Variants in IQGAP2 observed in about 807,000 individuals in gnomAD.
IQGAP2 encodes the protein ras GTPase-activating-like protein IQGAP2.
IQGAP2 carries 173 observed loss-of-function variants against 201.3 expected under a neutral mutation model. The observed-to-expected ratio is 0.86, with a 90% CI of 0.76 to 0.98. The LOEUF is 0.98. Ranked by LOEUF, IQGAP2 falls within the 50% of genes least tolerant of loss-of-function variation. The probability of loss-of-function intolerance (pLI) is 0.00; values close to 1 mark genes in which losing one functional copy is unlikely to be tolerated. For synonymous variants in IQGAP2, 675 were observed against 673.9 expected (o/e 1.00, Z -0.03); for missense variants, 1,687 against 1,864.8 (o/e 0.90, Z 1.76).
At chr5:76,550,740 C>T (rs1255959183) in intron 2 of IQGAP2, among the ~76,000 whole-genome samples, 1 of 152,334 alleles carries the variant, frequency 6.6e-6, no homozygotes, top group South Asian at 2.1e-4. Flanking sequence ...TGGAGTCTCC[C>T]ATGTCTACTT....
chr5:76,660,459 T>C (rs914407388), intron 21 of IQGAP2: 11 of 152,254 alleles, frequency 7.2e-5, no homozygotes, highest in African/African-American at 2.7e-4. Flanking sequence ...TTTCAGAGAA[T>C]GCTTTTTATA....
At chr5:76,602,123 T>A (rs995780800) in intron 11 of IQGAP2, among the ~76,000 whole-genome samples, 1 of 152,226 alleles carries the variant, frequency 6.6e-6, no homozygotes, top group Non-Finnish European at 1.5e-5. Flanking sequence ...CTTATACCTC[T>A]GCAAGATGTT....
chr5:76,430,427 G>A (rs1752301314), intron 1 of IQGAP2, among the ~76,000 whole-genome samples: 1 of 152,200 alleles, frequency 6.6e-6, no homozygotes, highest in South Asian at 2.1e-4. Flanking sequence ...TCTGCGAGTT[G>A]ACCCTTCATG....
intron 12 of IQGAP2, chr5:76,606,708 G>A (rs1393098): frequency 0.17 from 25,367 of 152,556 alleles, 2,270 homozygotes; most frequent in Admixed American, 0.28. Flanking sequence ...ATTGGAACAC[G>A]ATCTAACTGT....
chr5:76,478,985 C>G (rs1755610859), intron 2 of IQGAP2, among the ~76,000 whole-genome samples: 1 of 152,046 alleles, frequency 6.6e-6, no homozygotes, highest in African/African-American at 2.4e-5. Flanking sequence ...AGGCCTTTCC[C>G]TGCTCACAAC....
At chr5:76,561,360 A>G (rs914189446) in intron 2 of IQGAP2, among the ~76,000 whole-genome samples, 6 of 152,186 alleles carry the variant, frequency 3.9e-5, no homozygotes, top group Admixed American at 3.9e-4. Context: ...GACATATTAC[A>G]GTGTTGGCAA....
At chr5:76,659,532 T>C (rs983675851) in intron 21 of IQGAP2, among the ~76,000 whole-genome samples, 4 of 152,118 alleles carry the variant, frequency 2.6e-5, no homozygotes, top group Non-Finnish European at 5.9e-5. Context: ...TACATAGCAG[T>C]TGCAATTCTA....
intron 1 of IQGAP2, among the ~76,000 whole-genome samples, chr5:76,443,434 A>G (rs1302386024): frequency 1.3e-5 from 2 of 152,024 alleles, no homozygotes; most frequent in Non-Finnish European, 2.9e-5. Context: ...CAGCCTGGCC[A>G]ACATAGTGAG....
At chr5:76,658,103 G>C (rs79554154) in intron 20 of IQGAP2, among the ~76,000 whole-genome samples, 3 of 152,212 alleles carry the variant, frequency 2.0e-5, no homozygotes, top group Middle Eastern at 3.4e-3. Flanking sequence ...TCTCAGGGTC[G>C]AGGTAACTTA....
chr5:76,443,094 C>T (rs1047462353), intron 1 of IQGAP2, among the ~76,000 whole-genome samples: 10 of 152,180 alleles, frequency 6.6e-5, no homozygotes, highest in East Asian at 3.8e-4. Flanking sequence ...AGCTTAAATA[C>T]ACCATGTTGT....
At chr5:76,585,617 C>T (rs1280713499) in intron 5 of IQGAP2, among the ~76,000 whole-genome samples, 28 of 151,848 alleles carry the variant, frequency 1.8e-4, no homozygotes, top group Admixed American at 1.4e-3. Context: ...TGGGTTCAAG[C>T]GATTCTCCTG....
chr5:76,617,752 T>G, intron 13 of IQGAP2: 1 of 1,613,864 alleles, frequency 6.2e-7, no homozygotes, highest in Non-Finnish European at 8.5e-7. Context: ...ATAAGAATAA[T>G]ATTGCTTGGA....
chr5:76,522,947 T>A (rs1243199364), intron 2 of IQGAP2, among the ~76,000 whole-genome samples: 1 of 152,196 alleles, frequency 6.6e-6, no homozygotes, highest in Admixed American at 6.5e-5. Context: ...ATGACCCCGT[T>A]TTCTTTCTTA....
At chr5:76,632,537 C>T (rs954648400) in intron 15 of IQGAP2, among the ~76,000 whole-genome samples, 5 of 152,190 alleles carry the variant, frequency 3.3e-5, no homozygotes, top group African/African-American at 4.8e-5. Context: ...TTTGAGACTA[C>T]ACAGTTTGAT....
At chr5:76,605,273 G>A (rs529736115) in intron 11 of IQGAP2, among the ~76,000 whole-genome samples, 14 of 152,276 alleles carry the variant, frequency 9.2e-5, no homozygotes, top group African/African-American at 3.4e-4. Flanking sequence ...AATTGGAGTG[G>A]TTGACTAAAC....
chr5:76,539,620 A>C (rs1477005311), intron 2 of IQGAP2, among the ~76,000 whole-genome samples: 1 of 152,118 alleles, frequency 6.6e-6, no homozygotes, highest in Non-Finnish European at 1.5e-5. Context: ...CCTGCACTAG[A>C]ACCTTGCCCT....
intron 2 of IQGAP2, among the ~76,000 whole-genome samples, chr5:76,553,656 T>G (rs555523494): frequency 6.6e-6 from 1 of 152,338 alleles, no homozygotes; most frequent in South Asian, 2.1e-4. Context: ...CTTCTTGCCC[T>G]AAAATTTGAA....
chr5:76,503,174 C>CTTTTTTTTTTTTTTTTTTTT (rs11297908), intron 2 of IQGAP2, among the ~76,000 whole-genome samples: 1 of 109,356 alleles, frequency 9.1e-6, no homozygotes, highest in Non-Finnish European at 1.8e-5. Context: ...CTTTTCTTTT[C>CTTTTTTTTTTTTTTTTTTTT]TTTTTTTTTT....
chr5:76,617,116 T>C (rs1749054552), intron 13 of IQGAP2: 1 of 155,576 alleles, frequency 6.4e-6, no homozygotes, highest in African/African-American at 2.4e-5. Flanking sequence ...TTCTCCTGCA[T>C]TAACATTTTT....
Sources: allele counts gnomAD v4.1 joint callset (sites outside exome capture counted in the v4.1 genomes callset), GRCh38; gene constraint gnomAD v4.1.1; transcripts MANE v1.5; gene names NCBI Gene and HGNC (gene_info 2026-07-23, HGNC 2026-07-21).